The following SRCIN1 variants were observed in gnomAD, a reference collection of about 807,000 sequenced individuals.
SRCIN1 encodes the protein P130Cas-associated protein.
A neutral mutation model predicts 116.2 loss-of-function variants in SRCIN1; 50 were observed. The observed-to-expected ratio is 0.43, with a 90% CI of 0.34 to 0.54. The LOEUF (loss-of-function observed/expected upper bound fraction) is 0.54. SRCIN1 is among the 20% of genes least tolerant of loss of function. The pLI is 0.02. For missense variants in SRCIN1, 1,446 were observed against 1,672.0 expected (o/e 0.86, Z 2.36); for synonymous variants, 736 against 750.0 (o/e 0.98, Z 0.30).
chr17:38,560,436 A>G lies in SRCIN1; in HGVS notation c.1701-11T>C. The stretch of plus-strand genomic sequence containing the variant: ...GCCTCCATGCGCTCCCTGGGGAGGA[A>G]GGGGGTCTGGGCAACCTCGCCTCTG... On this transcript the variant is annotated splice_polypyrimidine_tract_variant and intron_variant, in intron 7 of 18. Coordinates refer to ENST00000617146, the MANE Select transcript of SRCIN1 (RefSeq NM_025248.3). The G allele has an allele frequency of 6.2e-7, 1 of 1,603,764 alleles. No individual in the cohort carries two copies. The highest frequency in any genetic ancestry group is 8.5e-7 in the Non-Finnish European group (1 of 1,175,194).
intron 1 of SRCIN1, among the ~76,000 whole-genome samples, chr17:38,600,016 TG>T (rs1296555040): frequency 6.6e-6 from 1 of 152,252 alleles, no homozygotes; most frequent in African/African-American, 2.4e-5. Flanking sequence ...GTTTAGTATA[TG>T]TCCGGCACTG....
chr17:38,596,573 TCCTTCATG>T (rs1258379763), intron 1 of SRCIN1, among the ~76,000 whole-genome samples: 1 of 152,070 alleles, frequency 6.6e-6, no homozygotes, highest in African/African-American at 2.4e-5. Flanking sequence ...CCCGCCTGCC[TCCTTCATG>T]CCAGGTTATG....
chr17:38,565,688 T>C (rs769204437), intron 3 of SRCIN1, among the ~76,000 whole-genome samples: 1 of 152,232 alleles, frequency 6.6e-6, no homozygotes, highest in Non-Finnish European at 1.5e-5. Flanking sequence ...CCAATTGGAT[T>C]AGCACTCTTA....
chr17:38,551,482 G>T (rs1215981983), intron 14 of SRCIN1, 93 bp from the exon 15 acceptor site: 6 of 1,122,606 alleles, frequency 5.3e-6, no homozygotes, highest in Non-Finnish European at 7.6e-6. Flanking sequence ...CGTAGGCAAG[G>T]AATAGAAAAC....
intron 7 of SRCIN1, among the ~76,000 whole-genome samples, chr17:38,560,730 C>T (rs757060832): frequency 1.3e-5 from 2 of 152,196 alleles, no homozygotes; most frequent in Non-Finnish European, 2.9e-5. Context: ...CCCCGAGGAA[C>T]GCCTCCTTCC....
intron 1 of SRCIN1, among the ~76,000 whole-genome samples, chr17:38,587,933 C>T (rs1252886404): frequency 6.6e-6 from 1 of 151,360 alleles, no homozygotes; most frequent in Non-Finnish European, 1.5e-5. Flanking sequence ...CCCCCTGCCC[C>T]TCCTCTTTCA....
chr17:38,567,576 G>T (rs62075730), intron 3 of SRCIN1, among the ~76,000 whole-genome samples: 11,857 of 152,158 alleles, frequency 0.078, 480 homozygotes, highest in Middle Eastern at 0.095. Context: ...CAGGAGGCAA[G>T]CAGGTGCCTG....
intron 4 of SRCIN1, 25 bp downstream of exon 4, chr17:38,564,093 G>A: frequency 6.3e-7 from 1 of 1,581,880 alleles, no homozygotes; most frequent in Non-Finnish European, 8.6e-7. Context: ...GTGTGGGGAG[G>A]GAGGGTGGAC....
At position 38,570,248 on chromosome 17, in the gene SRCIN1, C is replaced by T. The variant is rs1202763757; in HGVS notation, c.325-2017G>A. ...GAGACATTCACACATAGACCGCCCC[C>T]ACTCATACACAAACGTGTTTGGCTC... On this transcript the variant is annotated intron_variant, in intron 2 of 18. Transcript: ENST00000617146. Among the ~76,000 whole-genome samples the T allele has an allele frequency of 2.6e-5, 4 of 152,302 alleles. No homozygotes were observed. In the East Asian group the frequency reaches 7.7e-4, roughly 29 times the overall value.
chr17:38,563,256 G>C lies in SRCIN1; in HGVS notation c.740+67C>G. ...GGAAGGAGCTGGGGAAGGGCCGGCG[G>C]GGTCCAGCACCCTGCAGAGGAGGAG... is the stretch of plus-strand genomic sequence containing the variant. On this transcript the variant is annotated intron_variant, in intron 5 of 18. Coordinates refer to ENST00000617146, the MANE Select transcript of SRCIN1 (RefSeq NM_025248.3). This position sits in a 1 kb window ranked among gnomAD's most constrained non-coding sequence, Gnocchi z 5.8. 4 of 1,527,226 alleles carry C rather than the reference G, an allele frequency of 2.6e-6. No homozygotes were observed. In the South Asian group the frequency reaches 4.8e-5, roughly 18 times the overall value. The allele number at this position is 1,527,226 out of a possible 1,614,324, so 94.6% of individuals were successfully genotyped here.
In SRCIN1 at chr17:38,533,194, G is replaced by T; in HGVS notation, c.*103C>A. ...TCCTCTTCAGGGCACACCCCTCAGG[G>T]CGTCTGGAGAGTAGGGTGGGGTGGG... is the stretch of plus-strand genomic sequence containing the variant. On this transcript the variant is annotated 3_prime_UTR_variant, in exon 19 of 19. Coordinates refer to ENST00000617146, the MANE Select transcript of SRCIN1 (RefSeq NM_025248.3). The T allele has an allele frequency of 7.0e-7, 1 of 1,436,114 alleles. No homozygotes were observed. The highest frequency in any genetic ancestry group is 9.2e-7 in the Non-Finnish European group (1 of 1,091,150). 89.0% of individuals were successfully genotyped at this position (1,436,114 alleles called of 1,614,324 possible).
At chr17:38,597,329 C>G (rs1170324451) in intron 1 of SRCIN1, among the ~76,000 whole-genome samples, 1 of 152,236 alleles carries the variant, frequency 6.6e-6, no homozygotes, top group East Asian at 1.9e-4. Context: ...TCCAGGGGCC[C>G]AGCCCCAGAC....
At chr17:38,564,449 AT>A in intron 3 of SRCIN1, 136 bp from the exon 4 acceptor site, 1 of 939,140 alleles carries the variant, frequency 1.1e-6, no homozygotes, top group Non-Finnish European at 1.5e-6. Context: ...TCCCACACAG[AT>A]TACAGACTCC....
Position 38,562,385 on chromosome 17 carries a change from C to T in SRCIN1, c.835-57G>A, listed in dbSNP as rs1906333490. ...GCTGGTCACCAAGGACACCCCTGTCCCTTGCTTGAGGAGCCAGCATCTCCT... is the reference window on the plus strand; with the variant it reads ...GCTGGTCACCAAGGACACCCCTGTCTCTTGCTTGAGGAGCCAGCATCTCCT... On this transcript the variant is annotated intron_variant, in intron 6 of 18. Transcript: ENST00000617146. The surrounding 1 kb of genome is among the most constrained non-coding windows in gnomAD (Gnocchi z 4.2). 5 of 1,390,260 alleles carry T rather than the reference C, an allele frequency of 3.6e-6. No homozygotes were observed. The highest frequency in any genetic ancestry group is 4.6e-6 in the Non-Finnish European group (5 of 1,078,940). 86.1% of individuals were successfully genotyped at this position (1,390,260 alleles called of 1,614,324 possible).
chr17:38,581,465 T>C (rs1337563952), intron 1 of SRCIN1, among the ~76,000 whole-genome samples: 1 of 133,790 alleles, frequency 7.5e-6, no homozygotes, highest in Non-Finnish European at 1.6e-5. Context: ...CACACCCAGG[T>C]CTTTTTTTTT....
At chr17:38,560,545 A>G (rs1194739436) in intron 7 of SRCIN1, 120 bp from the exon 8 acceptor site, 1 of 807,716 alleles carries the variant, frequency 1.2e-6, no homozygotes, top group Non-Finnish European at 2.0e-6. Flanking sequence ...CTGCCAAAAC[A>G]CAGACAACGC....
chr17:38,552,710 A>T lies in SRCIN1; in HGVS notation c.2332+15T>A. The T allele has an allele frequency of 6.2e-7, 1 of 1,613,034 alleles. No homozygotes were observed. ...ACCCTGAACAACGTGCTGCATTCGC[A>T]GGCCCCAGACCCACCCTTGAGCTCT... On this transcript the variant is annotated intron_variant, in intron 12 of 18. Transcript: ENST00000617146. The surrounding 1 kb of genome is among the most constrained non-coding windows in gnomAD (Gnocchi z 5.3).
intron 1 of SRCIN1, among the ~76,000 whole-genome samples, chr17:38,593,069 G>C (rs1458098852): frequency 6.6e-6 from 1 of 152,178 alleles, no homozygotes; most frequent in African/African-American, 2.4e-5. Flanking sequence ...GTTATGTCCA[G>C]AACTGGTGAT....
Position 38,552,305 on chromosome 17 carries a change from G to T in SRCIN1, c.2480+142C>A, listed in dbSNP as rs1053121436. The T allele has an allele frequency of 2.1e-6, 3 of 1,404,988 alleles. No homozygotes were observed. In the African/African-American group the frequency reaches 4.3e-5, roughly 20 times the overall value. 87.0% of individuals were successfully genotyped at this position (1,404,988 alleles called of 1,614,324 possible). On this transcript the variant is annotated intron_variant, in intron 13 of 18. Coordinates refer to ENST00000617146, the MANE Select transcript of SRCIN1 (RefSeq NM_025248.3). This position sits in a 1 kb window ranked among gnomAD's most constrained non-coding sequence, Gnocchi z 5.3. ...GGAAGCCAGGTCTACAGCATGCAGG[G>T]GTCACAGGGCAGAGCTGAGGTGCCA...
Sources: gnomAD v4.1 joint callset for allele counts (sites outside exome capture counted in the v4.1 genomes callset) on GRCh38, gnomAD v4.1.1 for gene constraint, Gnocchi (gnomAD v3.1) non-coding constraint, MANE v1.5 for transcripts, NCBI Gene and HGNC (gene_info 2026-07-23, HGNC 2026-07-21) for gene names.